INSYN2A: variants seen among roughly 807,000 people sequenced by gnomAD.
The protein encoded by INSYN2A is family with sequence similarity 196 member A.
A neutral mutation model predicts 39.4 loss-of-function variants in INSYN2A; 17 were observed. The ratio of observed to expected loss-of-function variants is 0.43; its 90% CI spans 0.30 to 0.65. The LOEUF (loss-of-function observed/expected upper bound fraction) is 0.65. Ranked by LOEUF, INSYN2A falls within the 30% of genes least tolerant of loss-of-function variation. The pLI is 0.14. For synonymous variants in INSYN2A, 255 were observed against 265.7 expected (o/e 0.96, Z 0.39); for missense variants, 595 against 631.2 (o/e 0.94, Z 0.61).
At chr10:127,164,493 G>T (rs893424202) in intron 4 of INSYN2A, among the ~76,000 whole-genome samples, 2 of 152,002 alleles carry the variant, frequency 1.3e-5, no homozygotes, top group Non-Finnish European at 2.9e-5. Context: ...CTGCCTCCTT[G>T]TTTTTGTTGC....
At chr10:127,153,488 C>T (rs564561049) in intron 5 of INSYN2A, among the ~76,000 whole-genome samples, 7 of 152,332 alleles carry the variant, frequency 4.6e-5, no homozygotes, top group Admixed American at 2.0e-4. Context: ...CTAGCACATA[C>T]GGTGTGCTTT....
intron 5 of INSYN2A, among the ~76,000 whole-genome samples, chr10:127,138,823 A>G (rs2050943475): frequency 2.0e-5 from 3 of 152,240 alleles, no homozygotes; most frequent in Admixed American, 2.0e-4. Context: ...TATTTCTTAC[A>G]GCATTTCTCC....
At chr10:127,156,843 C>T (rs1222769415) in intron 4 of INSYN2A, among the ~76,000 whole-genome samples, 2 of 152,184 alleles carry the variant, frequency 1.3e-5, no homozygotes, top group Non-Finnish European at 2.9e-5. Flanking sequence ...GTTGGGATTA[C>T]AGGCGTGTGC....
At chr10:127,165,204 TC>T (rs1268668954) in intron 4 of INSYN2A, among the ~76,000 whole-genome samples, 2 of 152,150 alleles carry the variant, frequency 1.3e-5, no homozygotes, top group Non-Finnish European at 2.9e-5. Flanking sequence ...ATCCACAGAG[TC>T]TTTTATCTTT....
At chr10:127,160,034 C>T (rs1043768368) in intron 4 of INSYN2A, among the ~76,000 whole-genome samples, 1 of 151,920 alleles carries the variant, frequency 6.6e-6, no homozygotes, top group Non-Finnish European at 1.5e-5. Flanking sequence ...CCAAGCTCTG[C>T]TTAGTGTCTC....
chr10:127,152,623 C>T (rs961199050), intron 5 of INSYN2A, among the ~76,000 whole-genome samples: 3 of 152,190 alleles, frequency 2.0e-5, no homozygotes, highest in South Asian at 2.1e-4. Flanking sequence ...GGGGGTTGCC[C>T]TGTGCAGGCA....
At chr10:127,183,512 C>A (rs935875521) in intron 2 of INSYN2A, among the ~76,000 whole-genome samples, 1 of 152,200 alleles carries the variant, frequency 6.6e-6, no homozygotes, top group Non-Finnish European at 1.5e-5. Flanking sequence ...TAATGAGCTT[C>A]TATTCCTAAG....
intron 4 of INSYN2A, among the ~76,000 whole-genome samples, chr10:127,156,024 T>C (rs1443569032): frequency 6.6e-6 from 1 of 152,198 alleles, no homozygotes; most frequent in Non-Finnish European, 1.5e-5. Context: ...ATCCAAATTT[T>C]AGGTTCTTAC....
chr10:127,187,748 G>GAGAAAGAAAGAA lies in INSYN2A; in HGVS notation c.-269+4856_-269+4857insTTCTTTCTTTCT, dbSNP rs1348954427. Among the ~76,000 whole-genome samples the GAGAAAGAAAGAA allele has an allele frequency of 1.5e-4, 6 of 40,032 alleles. No homozygotes were observed. In the South Asian group the frequency reaches 4.9e-3, roughly 33 times the overall value. 26.3% of individuals were successfully genotyped at this position (40,032 alleles called of 152,430 possible). ...AAAGAGAGAAAGAAAGAAAGAAAGA[G>GAGAAAGAAAGAA]AGAAAGAGAGAAAGAAAGAAAAGAG... On this transcript the variant is annotated intron_variant, in intron 2 of 5. Coordinates refer to ENST00000522781, the MANE Select transcript of INSYN2A (RefSeq NM_001039762.3).
At position 127,175,643 on chromosome 10, in the gene INSYN2A, C is replaced by A. The variant is rs539100904; in HGVS notation, c.753G>T (p.Thr251=). The change falls in exon 4 of 6, where the codon ACG becomes ACT. Residue 251 remains threonine, a synonymous_variant. Coordinates refer to ENST00000522781, the MANE Select transcript of INSYN2A (RefSeq NM_001039762.3). This position sits in a 1 kb window ranked among gnomAD's most constrained non-coding sequence, Gnocchi z 6.3. ...APPALRRVFK[T]EVATVYAPAL... ...CAGGTGCGTAAACGGTGGCAACCTC[C>A]GTTTTAAACACCCTCCTGAGGGCAG... 6.2e-7 allele frequency: 1 copy of A among 1,613,374 alleles called. No homozygotes were observed. The highest frequency in any genetic ancestry group is 8.5e-7 in the Non-Finnish European group (1 of 1,179,958).
At position 127,137,548 on chromosome 10, in the gene INSYN2A, G is replaced by T; in HGVS notation, c.*289C>A. On this transcript the variant is annotated 3_prime_UTR_variant, in exon 6 of 6. Transcript: ENST00000522781. ...GTTGATAATGTATTACTTGCAGATC[G>T]GGGGTGGGGGAAAATTTTTACTTAT... 3.3e-6 allele frequency: 1 copy of T among 303,694 alleles called. No homozygotes were observed. The highest frequency in any genetic ancestry group is 6.1e-6 in the Non-Finnish European group (1 of 165,004). 18.8% of individuals were successfully genotyped at this position (303,694 alleles called of 1,614,324 possible).
chr10:127,136,071 G>A lies in INSYN2A; in HGVS notation c.*1766C>T, dbSNP rs1324035103. 1.3e-5 allele frequency: 2 copies of A among 152,376 alleles called. No individual in the cohort carries two copies. Among genetic ancestry groups the A allele is most frequent in the East Asian group, 1.9e-4 (1 of 5,184 alleles). The allele number at this position is 152,376 out of a possible 1,614,324, so 9.4% of individuals were successfully genotyped here. On this transcript the variant is annotated 3_prime_UTR_variant, in exon 6 of 6. Coordinates refer to ENST00000522781, the MANE Select transcript of INSYN2A (RefSeq NM_001039762.3). ...TCCTTTTATTGATATTCAGGGATTC[G>A]AACTTCATATAGTGTTTCCGCAGAG...
intron 2 of INSYN2A, among the ~76,000 whole-genome samples, chr10:127,191,570 CAT>C (rs1433059844): frequency 6.6e-6 from 1 of 152,048 alleles, no homozygotes; most frequent in Non-Finnish European, 1.5e-5. Context: ...ACTAAGTACA[CAT>C]AGAAAAGATT....
intron 4 of INSYN2A, among the ~76,000 whole-genome samples, chr10:127,174,336 A>C (rs995226976): frequency 1.3e-5 from 2 of 152,166 alleles, no homozygotes; most frequent in Admixed American, 6.5e-5. Flanking sequence ...ATCCAGGCGA[A>C]GTCCGATAAC....
In INSYN2A at chr10:127,175,328, G is replaced by A. The variant is rs1425326584; in HGVS notation, c.1068C>T (p.Val356=). 9 of 1,613,902 alleles carry A rather than the reference G, an allele frequency of 5.6e-6. No homozygotes were observed. The highest frequency in any genetic ancestry group is 7.6e-6 in the Non-Finnish European group (9 of 1,180,026). ...TCATCTGAAGTTGTGCTTTGAGGTC[G>A]ACCACTTCCGTATGAGGCACGATTC... ...CQRIVPHTEV[V]DLKAQLQMME... is the part of the protein sequence containing the mutation. Residue 356 remains valine (V), a synonymous_variant, in exon 4 of 6, where the codon GTC becomes GTT. Transcript: ENST00000522781. This position sits in a 1 kb window ranked among gnomAD's most constrained non-coding sequence, Gnocchi z 6.3.
chr10:127,166,744 A>T (rs1270489929), intron 4 of INSYN2A, among the ~76,000 whole-genome samples: 5 of 152,224 alleles, frequency 3.3e-5, no homozygotes, highest in South Asian at 4.1e-4. Context: ...TGGAGTTTTT[A>T]AAATTATTTG....
intron 5 of INSYN2A, among the ~76,000 whole-genome samples, chr10:127,147,915 C>T (rs947358496): frequency 6.6e-6 from 1 of 151,482 alleles, no homozygotes; most frequent in Admixed American, 6.6e-5. Context: ...CACGTAGTCC[C>T]AGCTACTCGG....
intron 2 of INSYN2A, among the ~76,000 whole-genome samples, chr10:127,180,133 A>C (rs1454758987): frequency 2.0e-5 from 3 of 152,214 alleles, no homozygotes; most frequent in African/African-American, 7.2e-5. Flanking sequence ...ATAAACTTGA[A>C]AACATCAAAC....
In INSYN2A at chr10:127,152,680, G is replaced by A. The variant is rs188674521; in HGVS notation, c.1256+1172C>T. ...CCTGGCCTCTACCTGCTGCATAACC[G>A]GCAGCAGCTCCTCAGTTGTGGCAAC... On this transcript the variant is annotated intron_variant, in intron 5 of 5. Coordinates refer to ENST00000522781, the MANE Select transcript of INSYN2A (RefSeq NM_001039762.3). Among the ~76,000 whole-genome samples, 499 of 152,332 alleles carry A rather than the reference G, an allele frequency of 3.3e-3. 3 individuals carry two copies. The highest frequency in any genetic ancestry group is 0.011 in the African/African-American group (472 of 41,568).
Sources: gnomAD v4.1 joint callset for allele counts (sites outside exome capture counted in the v4.1 genomes callset) on GRCh38, gnomAD v4.1.1 for gene constraint, Gnocchi (gnomAD v3.1) non-coding constraint, MANE v1.5 for transcripts, NCBI Gene and HGNC (gene_info 2026-07-23, HGNC 2026-07-21) for gene names.